Variants in SLC22A23 observed in about 807,000 individuals in gnomAD.
The protein encoded by SLC22A23 is ion transporter protein.
SLC22A23 carries 26 observed loss-of-function variants against 61.0 expected under a neutral mutation model. The observed-to-expected ratio is 0.43, with a 90% confidence interval of 0.31 to 0.59. SLC22A23 has a LOEUF of 0.59. Ranked by LOEUF, SLC22A23 falls within the 20% of genes least tolerant of loss-of-function variation. The probability of loss-of-function intolerance (pLI) is 0.11; values close to 1 mark genes in which losing one functional copy is unlikely to be tolerated. For synonymous variants in SLC22A23, 430 were observed against 413.9 expected (o/e 1.04, Z -0.47); for missense variants, 796 against 934.7 (o/e 0.85, Z 1.94).
In SLC22A23 at chr6:3,420,314, T is replaced by C. The variant is rs1770036147; in HGVS notation, c.655-4459A>G. ...TAAGCTAAAGAAAATACCATTAATATTATTTTGAAAGGAATAATTCAATTG... is the reference window on the plus strand; with the variant it reads ...TAAGCTAAAGAAAATACCATTAATACTATTTTGAAAGGAATAATTCAATTG... On this transcript the variant is annotated intron_variant, in intron 1 of 9. Transcript: ENST00000406686. Among the ~76,000 whole-genome samples the C allele has an allele frequency of 2.0e-5, 3 of 151,966 alleles. No homozygotes were observed. In the South Asian group the frequency reaches 6.2e-4, roughly 32 times the overall value.
At chr6:3,442,797 C>G (rs1771680040) in intron 1 of SLC22A23, among the ~76,000 whole-genome samples, 1 of 150,880 alleles carries the variant, frequency 6.6e-6, no homozygotes, top group Admixed American at 6.6e-5. Flanking sequence ...AAAGGATTGA[C>G]CCTCCTCCCC....
chr6:3,347,778 TG>T (rs765158204), intron 3 of SLC22A23, among the ~76,000 whole-genome samples: 2 of 152,238 alleles, frequency 1.3e-5, no homozygotes, highest in Non-Finnish European at 2.9e-5. Flanking sequence ...TAATCTCCAC[TG>T]GAGACTCACT....
intron 1 of SLC22A23, among the ~76,000 whole-genome samples, chr6:3,441,190 T>C (rs1296714213): frequency 6.6e-6 from 1 of 152,146 alleles, no homozygotes; most frequent in African/African-American, 2.4e-5. Context: ...TCAAGAGGCA[T>C]TGAGTAACAT....
chr6:3,437,962 C>T (rs189590608), intron 1 of SLC22A23, among the ~76,000 whole-genome samples: 2 of 152,062 alleles, frequency 1.3e-5, no homozygotes, highest in Non-Finnish European at 2.9e-5. Flanking sequence ...ATTCCAGAAA[C>T]CGGTAAGCCC....
intron 3 of SLC22A23, among the ~76,000 whole-genome samples, chr6:3,404,107 A>T (rs762005197): frequency 2.0e-5 from 3 of 152,246 alleles, no homozygotes; most frequent in Non-Finnish European, 2.9e-5. Context: ...TTTGACGCAC[A>T]GTTTAAGAAC....
At chr6:3,379,182 T>G (rs1420834078) in intron 3 of SLC22A23, among the ~76,000 whole-genome samples, 1 of 152,202 alleles carries the variant, frequency 6.6e-6, no homozygotes, top group Non-Finnish European at 1.5e-5. Context: ...TAGTCTCTGA[T>G]GTTGAGTCTA....
Position 3,360,837 on chromosome 6 carries a change from A to G in SLC22A23, c.914-36835T>C, listed in dbSNP as rs1053023914. On this transcript the variant is annotated intron_variant, in intron 3 of 9. Coordinates refer to ENST00000406686, the MANE Select transcript of SLC22A23 (RefSeq NM_015482.2). The surrounding 1 kb of genome is among the most constrained non-coding windows in gnomAD (Gnocchi z 4.6). ...AGGCCCACAGCTGGCGTGGTCATCC[A>G]GGGCGGGAACGGGATTGGACGAAGC... 4.6e-5 allele frequency among the ~76,000 whole-genome samples: 7 copies of G among 152,210 alleles called. No homozygotes were observed. Among genetic ancestry groups the G allele is most frequent in the Non-Finnish European group, 1.0e-4 (7 of 68,030 alleles).
At chr6:3,331,877 C>T (rs9501990) in intron 3 of SLC22A23, among the ~76,000 whole-genome samples, 37,216 of 151,992 alleles carry the variant, frequency 0.24, 5,852 homozygotes, top group African/African-American at 0.44. Flanking sequence ...CATTGTCAAG[C>T]TAACTGAAGG....
At chr6:3,301,642 C>T (rs1581650927) in intron 4 of SLC22A23, among the ~76,000 whole-genome samples, 3 of 152,344 alleles carry the variant, frequency 2.0e-5, no homozygotes, top group Admixed American at 1.3e-4. Flanking sequence ...TGCAGCCCCA[C>T]CTTCCAACCC....
At chr6:3,283,782 G>T (rs1179291663) in intron 9 of SLC22A23, 70 bp downstream of exon 9, 3 of 1,600,972 alleles carry the variant, frequency 1.9e-6, no homozygotes. Context: ...TCCCACACCA[G>T]CCTGGAGCCA....
In SLC22A23 at chr6:3,330,488, C is replaced by T. The variant is rs1244077578; in HGVS notation, c.914-6486G>A. ...CACCATGCGAGCCTCTCTCCTCTTC[C>T]CTGCACCCTCCCTCCTTCCTGTCAC... On this transcript the variant is annotated intron_variant, in intron 3 of 9. Transcript: ENST00000406686. This position sits in a 1 kb window ranked among gnomAD's most constrained non-coding sequence, Gnocchi z 4.7. Among the ~76,000 whole-genome samples, 2 of 152,228 alleles carry T rather than the reference C, an allele frequency of 1.3e-5. No homozygotes were observed. The highest frequency in any genetic ancestry group is 1.9e-4 in the East Asian group (1 of 5,204).
chr6:3,282,414 C>T (rs1759553804), intron 9 of SLC22A23: 1 of 672,302 alleles, frequency 1.5e-6, no homozygotes, highest in East Asian at 2.7e-5. Context: ...TCAGGCTGGG[C>T]CTGTAGGATA....
intron 3 of SLC22A23, among the ~76,000 whole-genome samples, chr6:3,334,956 A>G (rs1447847142): frequency 1.3e-5 from 2 of 152,112 alleles, no homozygotes; most frequent in African/African-American, 4.8e-5. Context: ...CTCTCACCAT[A>G]TTGCCTTTGG....
chr6:3,281,230 C>A (rs1292704141), intron 9 of SLC22A23, among the ~76,000 whole-genome samples: 3 of 152,242 alleles, frequency 2.0e-5, no homozygotes, highest in Non-Finnish European at 4.4e-5. Context: ...CTTGCAAAGT[C>A]ACCCAACTCC....
intron 1 of SLC22A23, among the ~76,000 whole-genome samples, chr6:3,451,538 CTTTG>C (rs967084992): frequency 2.0e-5 from 3 of 152,146 alleles, no homozygotes; most frequent in Non-Finnish European, 4.4e-5. Context: ...TCCATGGAGT[CTTTG>C]TTTTTTTGTT....
At chr6:3,341,204 G>A (rs1017682168) in intron 3 of SLC22A23, among the ~76,000 whole-genome samples, 21 of 152,320 alleles carry the variant, frequency 1.4e-4, no homozygotes, top group Admixed American at 1.2e-3. Context: ...TGGAAAGAGG[G>A]TTTCTCAGAA....
Position 3,324,203 on chromosome 6 carries a change from G to A in SLC22A23, c.914-201C>T. On this transcript the variant is annotated intron_variant, in intron 3 of 9. Transcript: ENST00000406686. The surrounding 1 kb of genome is among the most constrained non-coding windows in gnomAD (Gnocchi z 4.3). ...TCCAACTGGGAAGGGAAGTGAGACG[G>A]TTGTTCAAGGCCACAGGGCTAGTCG... 1.6e-6 allele frequency: 1 copy of A among 609,218 alleles called. No homozygotes were observed. The allele number at this position is 609,218 out of a possible 1,614,324, so 37.7% of individuals were successfully genotyped here.
At chr6:3,394,344 TGGGCTCTAGACTCACG>T (rs954545700) in intron 3 of SLC22A23, among the ~76,000 whole-genome samples, 4 of 152,178 alleles carry the variant, frequency 2.6e-5, no homozygotes, top group African/African-American at 9.7e-5. Context: ...ATGTGGTTGG[TGGGCTCTAGACTCACG>T]GGACTCAAGA....
intron 3 of SLC22A23, among the ~76,000 whole-genome samples, chr6:3,369,852 G>T (rs1766092251): frequency 6.6e-6 from 1 of 152,214 alleles, no homozygotes; most frequent in African/African-American, 2.4e-5. Context: ...TTTTAGAAAT[G>T]GTTTTCAATG....
Sources: gnomAD v4.1 joint callset for allele counts (sites outside exome capture counted in the v4.1 genomes callset) on GRCh38, gnomAD v4.1.1 for gene constraint, Gnocchi (gnomAD v3.1) non-coding constraint, MANE v1.5 for transcripts, NCBI Gene and HGNC (gene_info 2026-07-23, HGNC 2026-07-21) for gene names.